SETBP1: variants seen among roughly 807,000 people sequenced by gnomAD.
SETBP1 encodes the protein SET-binding protein.
SETBP1 carries 9 observed loss-of-function variants against 101.0 expected under a neutral mutation model. That is an observed-to-expected ratio of 0.09 (90% CI 0.05 to 0.16). SETBP1 has a LOEUF of 0.16. SETBP1 is among the 10% of genes least tolerant of loss of function. The pLI, the probability that SETBP1 is intolerant of heterozygous loss-of-function variation, is 1.00. For synonymous variants in SETBP1, 818 were observed against 788.5 expected (o/e 1.04, Z -0.63); for missense variants, 1,858 against 2,033.8 (o/e 0.91, Z 1.66).
intron 2 of SETBP1, among the ~76,000 whole-genome samples, chr18:44,792,504 G>A (rs931626422): frequency 9.2e-5 from 14 of 152,326 alleles, no homozygotes; most frequent in Admixed American, 1.3e-4. Flanking sequence ...GGTCTTTGGT[G>A]GTAGAGCCAG....
At chr18:44,751,520 T>G (rs2070379390) in intron 2 of SETBP1, among the ~76,000 whole-genome samples, 1 of 152,226 alleles carries the variant, frequency 6.6e-6, no homozygotes, top group Non-Finnish European at 1.5e-5. Flanking sequence ...TGGTTTCTAT[T>G]TTTATTACTA....
chr18:44,947,668 G>A (rs976776295), intron 3 of SETBP1, among the ~76,000 whole-genome samples: 3 of 152,012 alleles, frequency 2.0e-5, no homozygotes, highest in East Asian at 1.9e-4. Context: ...CACCAAGCCT[G>A]GCTAATTTTG....
intron 4 of SETBP1, among the ~76,000 whole-genome samples, chr18:45,007,055 C>T (rs1424083875): frequency 1.3e-5 from 2 of 152,168 alleles, no homozygotes; most frequent in African/African-American, 4.8e-5. Context: ...CCACTTCCCC[C>T]AGTTATAAAC....
rs767991773 is a variant in SETBP1, at chr18:44,953,055, G to A, written c.3715G>A (p.Ala1239Thr). 9.9e-6 allele frequency: 16 copies of A among 1,614,070 alleles called. No homozygotes were observed. The highest frequency in any genetic ancestry group is 3.3e-5 in the South Asian group (3 of 91,066). The change falls in exon 4 of 6, where the codon GCC (alanine) becomes ACC (threonine). Residue 1239 changes from alanine to threonine, a missense_variant. Ala to Thr is a moderately conservative substitution (Grantham distance 58, BLOSUM62 0). Coordinates refer to ENST00000649279, the MANE Select transcript of SETBP1 (RefSeq NM_015559.3). ...CCTGTCTACACTGTCACTTTCCGAC[G>A]CCCAGCATTGGACACAGGCCAAGGA... Reference protein sequence around the residue: ...DTLSTLSLSDAQHWTQAKEKG... With the variant: ...DTLSTLSLSDTQHWTQAKEKG...
chr18:45,027,292 T>C (rs1184369030), intron 4 of SETBP1, among the ~76,000 whole-genome samples: 1 of 152,192 alleles, frequency 6.6e-6, no homozygotes, highest in Non-Finnish European at 1.5e-5. Context: ...TTTCTCTGAA[T>C]CTAGAAAGCT....
intron 3 of SETBP1, among the ~76,000 whole-genome samples, chr18:44,887,539 G>A (rs1298409977): frequency 6.6e-6 from 1 of 152,160 alleles, no homozygotes; most frequent in Admixed American, 6.5e-5. Context: ...GAGCAGAGAA[G>A]GCAGCTCTGA....
chr18:44,890,462 G>A (rs1454822674), intron 3 of SETBP1, among the ~76,000 whole-genome samples: 2 of 152,080 alleles, frequency 1.3e-5, no homozygotes, highest in African/African-American at 2.4e-5. Flanking sequence ...CTAGCAGATG[G>A]GGAAGGCTCT....
At chr18:44,755,259 T>A (rs1180851115) in intron 2 of SETBP1, among the ~76,000 whole-genome samples, 1 of 152,224 alleles carries the variant, frequency 6.6e-6, no homozygotes, top group African/African-American at 2.4e-5. Flanking sequence ...GGTGTCAACT[T>A]GATTGGATTG....
At chr18:44,778,981 A>T (rs1468002979) in intron 2 of SETBP1, among the ~76,000 whole-genome samples, 1 of 152,254 alleles carries the variant, frequency 6.6e-6, no homozygotes. Context: ...TGGCTGGTTA[A>T]ACCCTGAGGT....
At chr18:44,882,359 A>C (rs148793556) in intron 3 of SETBP1, among the ~76,000 whole-genome samples, 11 of 152,048 alleles carry the variant, frequency 7.2e-5, no homozygotes, top group Non-Finnish European at 5.9e-5. Context: ...AGTGGAAGTT[A>C]TATCTATGAC....
chr18:44,749,109 G>T (rs1033488901), intron 2 of SETBP1, among the ~76,000 whole-genome samples: 4 of 152,138 alleles, frequency 2.6e-5, no homozygotes, highest in African/African-American at 9.7e-5. Flanking sequence ...GGATCTCCAA[G>T]CCTTCTTCCC....
At chr18:44,913,265 A>T (rs1039421601) in intron 3 of SETBP1, among the ~76,000 whole-genome samples, 21 of 152,350 alleles carry the variant, frequency 1.4e-4, no homozygotes, top group African/African-American at 5.1e-4. Context: ...TCTTTTGATT[A>T]TGGAAGTACA....
At chr18:44,774,698 T>A (rs2070957100) in intron 2 of SETBP1, among the ~76,000 whole-genome samples, 1 of 152,158 alleles carries the variant, frequency 6.6e-6, no homozygotes, top group South Asian at 2.1e-4. Flanking sequence ...ACAGACACTC[T>A]GGAAAATATT....
chr18:44,988,764 A>G (rs2072293419), intron 4 of SETBP1: 1 of 152,228 alleles, frequency 6.6e-6, no homozygotes, highest in Admixed American at 6.5e-5. Context: ...AAAGACTGAA[A>G]TAGCATATAG....
intron 2 of SETBP1, among the ~76,000 whole-genome samples, chr18:44,776,360 G>A (rs1363398767): frequency 2.0e-5 from 3 of 152,090 alleles, no homozygotes; most frequent in Non-Finnish European, 4.4e-5. Context: ...TTAAACCCAG[G>A]CTAGATTGTT....
At chr18:44,873,176 A>T (rs1391804812) in intron 3 of SETBP1, among the ~76,000 whole-genome samples, 1 of 152,200 alleles carries the variant, frequency 6.6e-6, no homozygotes, top group East Asian at 1.9e-4. Context: ...TTCAACAGGC[A>T]TCCATGGAAG....
chr18:45,030,598 C>T, intron 4 of SETBP1, among the ~76,000 whole-genome samples: 1 of 150,398 alleles, frequency 6.6e-6, no homozygotes, highest in African/African-American at 2.5e-5. Context: ...ACTAGTTCCT[C>T]CTTGTACCTC....
In SETBP1 at chr18:44,992,674, A is replaced by G. The variant is rs531939655; in HGVS notation, c.4000+39334A>G. 3.3e-5 allele frequency among the ~76,000 whole-genome samples: 5 copies of G among 152,154 alleles called. No homozygotes were observed. The South Asian group carries it at 1.0e-3, about 32-fold the overall frequency. The stretch of plus-strand genomic sequence containing the variant: ...ATTCAAGGAGAAATAGAAAACCCAC[A>G]TTTCCCTTTAATCATTAAATAAATA... On this transcript the variant is annotated intron_variant, in intron 4 of 5. Coordinates refer to ENST00000649279, the MANE Select transcript of SETBP1 (RefSeq NM_015559.3).
intron 5 of SETBP1, among the ~76,000 whole-genome samples, chr18:45,054,124 G>T (rs1051812684): frequency 6.6e-6 from 1 of 151,942 alleles, no homozygotes; most frequent in South Asian, 2.1e-4. Context: ...AAATGCCCTC[G>T]TATTTCTCAG....
Sources: allele counts gnomAD v4.1 joint callset (sites outside exome capture counted in the v4.1 genomes callset), GRCh38; gene constraint gnomAD v4.1.1; transcripts MANE v1.5; gene names NCBI Gene and HGNC (gene_info 2026-07-23, HGNC 2026-07-21).